Variants in XPC observed in about 807,000 individuals in gnomAD.
The protein encoded by XPC is XPC complex subunit, DNA damage recognition and repair factor, also known as DNA repair protein complementing XP-C cells.
A neutral mutation model predicts 95.8 loss-of-function variants in XPC; 76 were observed. That is an observed-to-expected ratio of 0.79 (90% CI 0.66 to 0.96). The LOEUF (loss-of-function observed/expected upper bound fraction) is 0.96, where lower values mean the gene tolerates loss of function less well. Ranked by LOEUF, XPC falls within the 40% of genes least tolerant of loss-of-function variation. The pLI is 0.00. For synonymous variants in XPC, 442 were observed against 442.1 expected (o/e 1.00, Z 0.00); for missense variants, 1,146 against 1,179.8 (o/e 0.97, Z 0.42).
At chr3:14,176,442 A>T (rs150596006) in intron 1 of XPC, among the ~76,000 whole-genome samples, 2 of 152,222 alleles carry the variant, frequency 1.3e-5, no homozygotes, top group Non-Finnish European at 2.9e-5. Flanking sequence ...CACAATATTT[A>T]GCACACTTTG....
rs936449467 is a variant in XPC, at chr3:14,176,768, C to T, written c.103+1698G>A. ...AATCTACCCAGTTTTTTCAGGAGAC[C>T]CAGAAATTCCTTCTACAGCCTGCAT... On this transcript the variant is annotated intron_variant, in intron 1 of 15. Transcript: ENST00000285021. 2.6e-5 allele frequency among the ~76,000 whole-genome samples: 4 copies of T among 152,064 alleles called. No individual in the cohort carries two copies. The South Asian group carries it at 8.3e-4, about 32-fold the overall frequency.
At chr3:14,164,016 T>A (rs1696269364) in intron 7 of XPC, among the ~76,000 whole-genome samples, 1 of 152,194 alleles carries the variant, frequency 6.6e-6, no homozygotes, top group Admixed American at 6.5e-5. Context: ...ACCACTGCAC[T>A]CCAGCCTAGG....
At chr3:14,163,081 A>G (rs1696227122) in intron 7 of XPC, among the ~76,000 whole-genome samples, 2 of 152,246 alleles carry the variant, frequency 1.3e-5, no homozygotes, top group African/African-American at 2.4e-5. Flanking sequence ...CACCCATCAT[A>G]ATGACTATAA....
chr3:14,148,820 G>A lies in XPC; in HGVS notation c.2244C>T (p.Asp748=), dbSNP rs780614163. The A allele has an allele frequency of 1.2e-5, 19 of 1,613,830 alleles. No homozygotes were observed. The highest frequency in any genetic ancestry group is 6.7e-5 in the African/African-American group (5 of 74,922). The change falls in exon 12 of 16, where the codon GAC becomes GAT. Residue 748 remains aspartate, a synonymous_variant. Transcript: ENST00000285021. ...CTTCTGATGCTGCCCTTACCTTCCCGTCCACGGCCACTGGGGGCTGATACT... is the reference window on the plus strand; with the variant it reads ...CTTCTGATGCTGCCCTTACCTTCCCATCCACGGCCACTGGGGGCTGATACT... ...TEEYQPPVAV[D]GKVPRNEFGN... is the part of the protein sequence containing the mutation.
chr3:14,145,273 A>G lies in XPC; in HGVS notation c.*668T>C, dbSNP rs1315190190. The G allele has an allele frequency of 4.3e-6, 3 of 694,418 alleles. No homozygotes were observed. The highest frequency in any genetic ancestry group is 3.5e-5 in the African/African-American group (2 of 56,876). 43.0% of individuals were successfully genotyped at this position (694,418 alleles called of 1,614,324 possible). On this transcript the variant is annotated 3_prime_UTR_variant, in exon 16 of 16. Coordinates refer to ENST00000285021, the MANE Select transcript of XPC (RefSeq NM_004628.5). The stretch of plus-strand genomic sequence containing the variant: ...TTTAACACTCATCTATTTTACTAAC[A>G]TTTCCTTAATTTTCAATTCGTATTT...
chr3:14,176,646 GAATT>G (rs1440594755), intron 1 of XPC, among the ~76,000 whole-genome samples: 2 of 152,090 alleles, frequency 1.3e-5, no homozygotes, highest in African/African-American at 4.8e-5. Flanking sequence ...CTAAGTTTAC[GAATT>G]ATTACCATTT....
At chr3:14,146,219 G>GC (rs2125005425) in intron 15 of XPC, 60 bp from the exon 16 acceptor site, 2 of 1,487,056 alleles carry the variant, frequency 1.3e-6, no homozygotes, top group East Asian at 4.9e-5. Flanking sequence ...ATACCAGGAA[G>GC]CCCCATGAAG....
rs570221575 is a variant in XPC, at chr3:14,160,027, C to A, written c.901-197G>T. On this transcript the variant is annotated intron_variant, in intron 7 of 15. Transcript: ENST00000285021. ...GTTTATCTTCGTAGAAGAACAGGAA[C>A]ATGCTCATCATATATTAAAGGAAAA... 7.8e-5 allele frequency: 42 copies of A among 535,040 alleles called. No homozygotes were observed. In the East Asian group the frequency reaches 1.3e-3, roughly 17 times the overall value. The allele number at this position is 535,040 out of a possible 1,614,324, so 33.1% of individuals were successfully genotyped here.
chr3:14,172,994 T>C lies in XPC; in HGVS notation c.172A>G (p.Arg58Gly), dbSNP rs1370217743. 1.2e-6 allele frequency: 2 copies of C among 1,612,532 alleles called. No homozygotes were observed. Among genetic ancestry groups the C allele is most frequent in the Non-Finnish European group, 1.7e-6 (2 of 1,179,336 alleles). ...LSKVSQGKRK[R>G]GCSHPGGSAD... is the part of the protein sequence containing the mutation. Reference sequence around the variant, plus strand: ...GAACCCCCAGGATGACTGCAGCCTCTTTTCCTCTTTCCTTGTGAAACTTTG... The same window carrying C: ...GAACCCCCAGGATGACTGCAGCCTCCTTTCCTCTTTCCTTGTGAAACTTTG... Residue 58 changes from arginine (R) to glycine (G), a missense_variant, in exon 2 of 16, where the codon AGA becomes GGA. Physicochemically the swap from Arg to Gly is moderately radical, Grantham distance 125. Transcript: ENST00000285021.
chr3:14,145,159 C>CT lies in XPC; in HGVS notation c.*781dup, dbSNP rs954147821. On this transcript the variant is annotated 3_prime_UTR_variant, in exon 16 of 16. Coordinates refer to ENST00000285021, the MANE Select transcript of XPC (RefSeq NM_004628.5). ...ATAGAGCCAAATCTTTAGATAAATG[C>CT]TTTATTATTTTCTCAAAATGTTATA... 4.1e-6 allele frequency: 2 copies of CT among 492,650 alleles called. No homozygotes were observed. Among genetic ancestry groups the CT allele is most frequent in the African/African-American group, 4.0e-5 (2 of 49,878 alleles). The allele number at this position is 492,650 out of a possible 1,614,324, so 30.5% of individuals were successfully genotyped here. A position where few individuals can be genotyped will look rare whatever the true frequency, so the allele number is the denominator to read the frequency against.
chr3:14,152,937 G>A (rs1420484481), intron 10 of XPC: 1 of 152,318 alleles, frequency 6.6e-6, no homozygotes, highest in Admixed American at 6.5e-5. Flanking sequence ...ACCTGCACAT[G>A]GAACAGTCAA....
chr3:14,165,734 C>T, intron 5 of XPC, 149 bp from the exon 6 acceptor site: 1 of 854,720 alleles, frequency 1.2e-6, no homozygotes, highest in African/African-American at 1.7e-5. Context: ...GCATTGGCCA[C>T]TTCCCAAGCT....
chr3:14,152,674 C>A, intron 10 of XPC: 1 of 422,926 alleles, frequency 2.4e-6, no homozygotes, highest in South Asian at 3.4e-5. Context: ...TCCTCCCCTT[C>A]ATAGGTTTTC....
In XPC at chr3:14,172,902, T is replaced by A; in HGVS notation, c.264A>T (p.Ile88=). Residue 88 remains isoleucine, a synonymous_variant, in exon 2 of 16, where the codon ATA becomes ATT. Coordinates refer to ENST00000285021, the MANE Select transcript of XPC (RefSeq NM_004628.5). ...CCCCATCGCTGAGGGCTTCATCCTT[T>A]ATAACCTTGAGGTTTTCAGATTTAA... ...VTVKSENLKV[I]KDEALSDGDD... 6.2e-7 allele frequency: 1 copy of A among 1,614,036 alleles called. No homozygotes were observed. Among genetic ancestry groups the A allele is most frequent in the Non-Finnish European group, 8.5e-7 (1 of 1,179,870 alleles).
chr3:14,166,059 A>G (rs1482279075), intron 5 of XPC: 2 of 160,944 alleles, frequency 1.2e-5, no homozygotes, highest in African/African-American at 4.8e-5. Flanking sequence ...TTTGAGCCCA[A>G]CCTTCTCTGT....
intron 10 of XPC, among the ~76,000 whole-genome samples, chr3:14,153,956 A>G (rs1405565655): frequency 6.6e-6 from 1 of 152,186 alleles, no homozygotes; most frequent in Non-Finnish European, 1.5e-5. Flanking sequence ...TGATTATGTC[A>G]TGGTCGTGGT....
intron 1 of XPC, among the ~76,000 whole-genome samples, chr3:14,173,937 G>A (rs1465260568): frequency 6.6e-6 from 1 of 152,010 alleles, no homozygotes; most frequent in African/African-American, 2.4e-5. Flanking sequence ...AAAAGGGATT[G>A]CAATATTAAC....
At chr3:14,168,671 C>G (rs1047809378) in intron 3 of XPC, among the ~76,000 whole-genome samples, 4 of 151,422 alleles carry the variant, frequency 2.6e-5, no homozygotes, top group Non-Finnish European at 5.9e-5. Context: ...ACCCCTCTAT[C>G]AAAAAGCTGA....
At chr3:14,160,632 C>G (rs186094688) in intron 7 of XPC, among the ~76,000 whole-genome samples, 3 of 152,348 alleles carry the variant, frequency 2.0e-5, no homozygotes, top group Admixed American at 2.0e-4. Flanking sequence ...GCCCAAAACA[C>G]TGTCACACAC....
Sources: allele counts gnomAD v4.1 joint callset (sites outside exome capture counted in the v4.1 genomes callset), GRCh38; gene constraint gnomAD v4.1.1; transcripts MANE v1.5; gene names NCBI Gene and HGNC (gene_info 2026-07-23, HGNC 2026-07-21).